Variants in SUGCT observed in about 807,000 individuals in gnomAD.
SUGCT encodes the protein succinyl-CoA:glutarate CoA-transferase.
SUGCT carries 41 observed loss-of-function variants against 55.0 expected under a neutral mutation model. The observed-to-expected ratio is 0.74, with a 90% CI of 0.58 to 0.97. SUGCT has a LOEUF of 0.97. Among genes scored for constraint, SUGCT ranks in the 50% least tolerant of loss-of-function variants. SUGCT has a pLI of 0.00. For synonymous variants in SUGCT, 187 were observed against 200.4 expected, an observed-to-expected ratio of 0.93 and a Z score of 0.56; for missense variants, 568 against 547.8, an observed-to-expected ratio of 1.04 and a Z score of -0.37.
the SUGCT span, among the ~76,000 whole-genome samples, chr7:41,031,903 T>C: frequency 4.3e-4 from 65 of 152,160 alleles, no homozygotes; most frequent in African/African-American, 1.5e-3. Flanking sequence ...CTCCTCTCTC[T>C]ACTAGAATGC....
intron 9 of SUGCT, among the ~76,000 whole-genome samples, chr7:40,439,487 T>G (rs954728763): frequency 1.2e-4 from 19 of 152,112 alleles, no homozygotes; most frequent in African/African-American, 4.3e-4. Context: ...ATCCTAAAGC[T>G]AGTGAATGTA....
intron 12 of SUGCT, among the ~76,000 whole-genome samples, chr7:40,514,710 CAAAAAAA>C (rs914527174): frequency 7.2e-5 from 1 of 13,868 alleles, no homozygotes; most frequent in Non-Finnish European, 1.6e-4. Flanking sequence ...AACTCCGTCT[CAAAAAAA>C]AAAAAAAAAA....
In SUGCT at chr7:40,463,840, T is replaced by G. The variant is rs140165778; in HGVS notation, c.986+4642T>G. ...AGTATGTTTACCCAGCTGCTAACAT[T>G]GAAAACTAGGTAAAACTCAATCATG... On this transcript the variant is annotated intron_variant, in intron 11 of 13. Coordinates refer to ENST00000335693, the MANE Select transcript of SUGCT (RefSeq NM_001193313.2). 1.4e-4 allele frequency among the ~76,000 whole-genome samples: 22 copies of G among 152,300 alleles called. No homozygotes were observed. In the East Asian group the frequency reaches 4.2e-3, roughly 29 times the overall value.
chr7:40,653,586 A>G (rs1402113568), intron 12 of SUGCT, among the ~76,000 whole-genome samples: 1 of 151,956 alleles, frequency 6.6e-6, no homozygotes. Context: ...CAGTGACCCC[A>G]TCTCCTTTTC....
the SUGCT span, among the ~76,000 whole-genome samples, chr7:40,908,382 C>CAAAAAAAAA: frequency 1.2e-5 from 1 of 82,628 alleles, no homozygotes; most frequent in Non-Finnish European, 2.5e-5. Flanking sequence ...GACTCTGTCT[C>CAAAAAAAAA]AAAAAAAAAA....
chr7:40,825,362 C>CCCT (rs1792261506), intron 13 of SUGCT, among the ~76,000 whole-genome samples: 1 of 151,878 alleles, frequency 6.6e-6, no homozygotes, highest in Non-Finnish European at 1.5e-5. Flanking sequence ...TGAGGTCTTG[C>CCCT]CCTTGTTGGA....
intron 7 of SUGCT, among the ~76,000 whole-genome samples, chr7:40,249,325 A>ATATCTATATCTATATC (rs1562612058): frequency 8.5e-6 from 1 of 117,426 alleles, no homozygotes; most frequent in Non-Finnish European, 1.8e-5. Context: ...ATATATATAT[A>ATATCTATATCTATATC]TATATATATA....
chr7:41,029,432 G>C, the SUGCT span, among the ~76,000 whole-genome samples: 1 of 152,126 alleles, frequency 6.6e-6, no homozygotes. Context: ...CTCCACCTCT[G>C]TGGCTGGGGT....
chr7:40,157,183 G>A (rs1044934770), intron 1 of SUGCT, among the ~76,000 whole-genome samples: 3 of 152,006 alleles, frequency 2.0e-5, no homozygotes, highest in Non-Finnish European at 2.9e-5. Context: ...ACCCAGTAAC[G>A]CTTATCTTAC....
intron 7 of SUGCT, among the ~76,000 whole-genome samples, chr7:40,262,495 CAAA>C (rs67739412): frequency 1.3e-4 from 16 of 122,026 alleles, no homozygotes; most frequent in Admixed American, 1.8e-4. Context: ...ACCGAAAATA[CAAA>C]AAAAAAAAAA....
chr7:40,654,203 A>G (rs1474524463), intron 12 of SUGCT, among the ~76,000 whole-genome samples: 1 of 152,172 alleles, frequency 6.6e-6, no homozygotes, highest in Non-Finnish European at 1.5e-5. Flanking sequence ...TACATTAGAG[A>G]GTGAGAACTA....
intron 12 of SUGCT, among the ~76,000 whole-genome samples, chr7:40,690,833 C>T (rs1313638597): frequency 6.6e-6 from 1 of 152,160 alleles, no homozygotes; most frequent in Non-Finnish European, 1.5e-5. Context: ...ACTCCTCAGC[C>T]TCCCAAAGTG....
intron 9 of SUGCT, among the ~76,000 whole-genome samples, chr7:40,369,027 G>A (rs1272020096): frequency 2.0e-5 from 3 of 151,844 alleles, no homozygotes; most frequent in South Asian, 2.1e-4. Context: ...TAGCTTGAAC[G>A]CAGGAGGAGG....
intron 9 of SUGCT, among the ~76,000 whole-genome samples, chr7:40,335,356 G>C (rs563706474): frequency 6.6e-6 from 1 of 151,564 alleles, no homozygotes; most frequent in African/African-American, 2.4e-5. Flanking sequence ...CCATTTTCAC[G>C]ATATTGATTC....
intron 12 of SUGCT, among the ~76,000 whole-genome samples, chr7:40,585,727 TAG>T (rs982821512): frequency 3.3e-5 from 5 of 152,154 alleles, no homozygotes; most frequent in African/African-American, 9.7e-5. Flanking sequence ...GCACCCCGGC[TAG>T]AGTGTATTGG....
At chr7:40,583,782 C>T (rs534485957) in intron 12 of SUGCT, among the ~76,000 whole-genome samples, 1 of 152,302 alleles carries the variant, frequency 6.6e-6, no homozygotes, top group South Asian at 2.1e-4. Flanking sequence ...TCCATCCTGC[C>T]ATGCACCTGG....
At chr7:40,289,811 A>G (rs1793618079) in intron 8 of SUGCT, among the ~76,000 whole-genome samples, 1 of 152,150 alleles carries the variant, frequency 6.6e-6, no homozygotes, top group African/African-American at 2.4e-5. Context: ...GCAAAGTCTC[A>G]GGATACAAAA....
rs181235690 is a variant in SUGCT at position 40,781,926 on chromosome 7, G to A, written c.1153+32429G>A. Among the ~76,000 whole-genome samples, 11 of 152,070 alleles carry A rather than the reference G, an allele frequency of 7.2e-5. 1 individual carries two copies. The East Asian group carries it at 1.5e-3, about 21-fold the overall frequency. On this transcript the variant is annotated intron_variant, in intron 13 of 13. Coordinates refer to ENST00000335693, the MANE Select transcript of SUGCT (RefSeq NM_001193313.2). ...CAAGCTTTTGCATAATTGATAGTATGAGACGTAAGCCTCCCCCTACCAAAA... is the reference window on the plus strand; with the variant it reads ...CAAGCTTTTGCATAATTGATAGTATAAGACGTAAGCCTCCCCCTACCAAAA...
the SUGCT span, among the ~76,000 whole-genome samples, chr7:40,884,344 C>T: frequency 6.6e-6 from 1 of 152,206 alleles, no homozygotes; most frequent in African/African-American, 2.4e-5. Context: ...GTTCAGGCTT[C>T]CAGACTCAAA....
Sources: allele counts gnomAD v4.1 joint callset (sites outside exome capture counted in the v4.1 genomes callset), GRCh38; gene constraint gnomAD v4.1.1; transcripts MANE v1.5; gene names NCBI Gene and HGNC (gene_info 2026-07-23, HGNC 2026-07-21).